The following XRN2 variants were observed in gnomAD, a reference collection of about 807,000 sequenced individuals.
XRN2 encodes DHM1-like protein.
In XRN2, 44 loss-of-function variants were observed where a neutral mutation model predicts 138.5. The ratio of observed to expected loss-of-function variants is 0.32; its 90% CI spans 0.25 to 0.41. The LOEUF (loss-of-function observed/expected upper bound fraction) is 0.41. Ranked by LOEUF, XRN2 falls within the 10% of genes least tolerant of loss-of-function variation. The pLI, the probability that XRN2 is intolerant of heterozygous loss-of-function variation, is 1.00. For missense variants in XRN2, 937 were observed against 1,169.3 expected, an observed-to-expected ratio of 0.80 and a Z score of 2.90; for synonymous variants, 354 against 369.4, an observed-to-expected ratio of 0.96 and a Z score of 0.48.
intron 6 of XRN2, 43 bp from the exon 7 acceptor site, chr20:21,331,518 G>A (rs1382002962): frequency 6.6e-7 from 1 of 1,524,948 alleles, no homozygotes; most frequent in South Asian, 1.2e-5. Flanking sequence ...TGTGCCTATA[G>A]AAAATTGGGG....
Position 21,337,198 on chromosome 20 carries a change from G to A in XRN2, c.1234-1846G>A, listed in dbSNP as rs149934114. ...CTCTAGCTGCCATGTTGGAAGTACT[G>A]TGTGGAGGGAAAGGTCAAAGCAGTG... On this transcript the variant is annotated intron_variant, in intron 13 of 29. Coordinates refer to ENST00000377191, the MANE Select transcript of XRN2 (RefSeq NM_012255.5). Among the ~76,000 whole-genome samples the A allele has an allele frequency of 3.0e-3, 464 of 152,328 alleles. 3 individuals are homozygous for A. Among genetic ancestry groups the A allele is most frequent in the African/African-American group, 0.011 (441 of 41,568 alleles).
At chr20:21,304,490 C>T (rs1373082179) in intron 1 of XRN2, among the ~76,000 whole-genome samples, 1 of 151,792 alleles carries the variant, frequency 6.6e-6, no homozygotes, top group Non-Finnish European at 1.5e-5. Context: ...AAATTTTAAT[C>T]GAACTTTATT....
chr20:21,368,369 C>T (rs769825543), intron 26 of XRN2, 94 bp from the exon 27 acceptor site: 16 of 1,466,168 alleles, frequency 1.1e-5, no homozygotes, highest in Admixed American at 4.3e-5. Flanking sequence ...TTAGTGAAGA[C>T]GTGGCTATGA....
intron 27 of XRN2, among the ~76,000 whole-genome samples, chr20:21,375,468 C>T (rs2038810178): frequency 6.6e-6 from 1 of 151,888 alleles, no homozygotes; most frequent in African/African-American, 2.4e-5. Flanking sequence ...ATCACTTTAG[C>T]CTTATCCCAC....
At chr20:21,349,304 T>C (rs1454907389) in intron 19 of XRN2, 85 bp from the exon 20 acceptor site, 5 of 951,676 alleles carry the variant, frequency 5.3e-6, no homozygotes, top group Non-Finnish European at 5.0e-6. Flanking sequence ...TCAGACCTTA[T>C]AACTTGAATG....
chr20:21,309,205 T>G (rs2037844630), intron 1 of XRN2, among the ~76,000 whole-genome samples: 1 of 152,244 alleles, frequency 6.6e-6, no homozygotes, highest in Non-Finnish European at 1.5e-5. Context: ...CTTCAGTTTT[T>G]TGGAAGAGTT....
chr20:21,349,531 A>G, intron 20 of XRN2, 70 bp downstream of exon 20: 10 of 1,243,410 alleles, frequency 8.0e-6, no homozygotes, highest in Non-Finnish European at 1.2e-5. Flanking sequence ...ATAATTCTGT[A>G]AAAGATAAAT....
At chr20:21,375,822 ATTTATTT>A (rs1162610308) in intron 27 of XRN2, among the ~76,000 whole-genome samples, 1,520 of 146,344 alleles carry the variant, frequency 0.01, 10 homozygotes, top group Non-Finnish European at 0.013. Context: ...TTATTTATTT[ATTTATTT>A]TTTATTTATT....
At chr20:21,381,713 TACACACACACACAC>T (rs10523116) in intron 27 of XRN2, among the ~76,000 whole-genome samples, 1 of 150,128 alleles carries the variant, frequency 6.7e-6, no homozygotes, top group African/African-American at 2.4e-5. Context: ...TACACACACA[TACACACACACACAC>T]ACACACACAC....
intron 27 of XRN2, among the ~76,000 whole-genome samples, chr20:21,374,193 A>G (rs1263371612): frequency 6.6e-6 from 1 of 152,174 alleles, no homozygotes; most frequent in African/African-American, 2.4e-5. Context: ...CATCCTTACT[A>G]GATTCATTTC....
rs113969054 is a variant in XRN2, at chr20:21,368,446, G to A, written c.2457-17G>A. On this transcript the variant is annotated splice_polypyrimidine_tract_variant and intron_variant, in intron 26 of 29. Coordinates refer to ENST00000377191, the MANE Select transcript of XRN2 (RefSeq NM_012255.5). ...TCACTATACAATTTTTTTTTCTTGT[G>A]TTGGGTCCTTTTATAGCCATGTGAT... 6 of 1,605,596 alleles carry A rather than the reference G, an allele frequency of 3.7e-6. No individual in the cohort carries two copies. The highest frequency in any genetic ancestry group is 1.3e-5 in the African/African-American group (1 of 74,156).
rs1449808209 is a variant in XRN2, at chr20:21,368,451, G to A, written c.2457-12G>A. 49 of 1,612,148 alleles carry A rather than the reference G, an allele frequency of 3.0e-5. No individual in the cohort carries two copies. The highest frequency in any genetic ancestry group is 3.7e-5 in the Non-Finnish European group (44 of 1,179,314). On this transcript the variant is annotated splice_polypyrimidine_tract_variant and intron_variant, in intron 26 of 29. Coordinates refer to ENST00000377191, the MANE Select transcript of XRN2 (RefSeq NM_012255.5). ...ATACAATTTTTTTTTCTTGTGTTGG[G>A]TCCTTTTATAGCCATGTGATGCCAA...
intron 26 of XRN2, among the ~76,000 whole-genome samples, chr20:21,367,720 C>T (rs188600898): frequency 2.0e-5 from 3 of 152,166 alleles, no homozygotes; most frequent in African/African-American, 7.2e-5. Flanking sequence ...TTGTTATTGT[C>T]ATTGTTTTGG....
At chr20:21,364,079 C>G (rs925147146) in intron 24 of XRN2, among the ~76,000 whole-genome samples, 2 of 152,058 alleles carry the variant, frequency 1.3e-5, no homozygotes, top group Non-Finnish European at 2.9e-5. Context: ...CTACAGGCGC[C>G]CGCCACCACG....
At chr20:21,386,324 T>G (rs116988753) in intron 28 of XRN2, among the ~76,000 whole-genome samples, 1 of 152,310 alleles carries the variant, frequency 6.6e-6, no homozygotes, top group Non-Finnish European at 1.5e-5. Context: ...TGAAAAGGTT[T>G]CCTCCCAATC....
chr20:21,366,576 G>A (rs1272715619), intron 26 of XRN2, among the ~76,000 whole-genome samples: 2 of 150,514 alleles, frequency 1.3e-5, no homozygotes, highest in African/African-American at 4.9e-5. Flanking sequence ...AAAAAAAAAG[G>A]GAAAAAAAGA....
chr20:21,303,884 G>C (rs1364551482), intron 1 of XRN2: 1 of 982,826 alleles, frequency 1.0e-6, no homozygotes. Flanking sequence ...GCACGGATTC[G>C]GAGGCCAGCT....
rs750709725 is a variant in XRN2, at chr20:21,386,830, GGT to G, written c.2649-34_2649-33del. On this transcript the variant is annotated intron_variant, in intron 28 of 29. Coordinates refer to ENST00000377191, the MANE Select transcript of XRN2 (RefSeq NM_012255.5). ...ATTTTAGGCTTTGTGCTGTATAATA[GGT>G]GTGGCTTCTGATGTAAAACTGGTAC... is the stretch of plus-strand genomic sequence containing the variant. 143 of 1,594,756 alleles carry G rather than the reference GGT, an allele frequency of 9.0e-5. No individual in the cohort carries two copies. In the Admixed American group the frequency reaches 1.0e-3, roughly 11 times the overall value.
intron 24 of XRN2, among the ~76,000 whole-genome samples, chr20:21,363,525 T>C (rs1484141892): frequency 6.6e-6 from 1 of 152,232 alleles, no homozygotes; most frequent in Non-Finnish European, 1.5e-5. Context: ...ATCTTGCCAG[T>C]ACAGAAAATC....
Sources: allele counts gnomAD v4.1 joint callset (sites outside exome capture counted in the v4.1 genomes callset), GRCh38; gene constraint gnomAD v4.1.1; transcripts MANE v1.5; gene names NCBI Gene and HGNC (gene_info 2026-07-23, HGNC 2026-07-21).